Variants in TBXA2R observed in about 807,000 individuals in gnomAD.
TBXA2R encodes the protein thromboxane A2 receptor, also known as prostanoid TP receptor.
In TBXA2R, 15 loss-of-function variants were observed where a neutral mutation model predicts 15.6. The ratio of observed to expected loss-of-function variants is 0.96; its 90% confidence interval spans 0.64 to 1.48. The LOEUF is 1.48. TBXA2R is among the 40% of genes most tolerant of loss of function. TBXA2R has a pLI of 0.00. For synonymous variants in TBXA2R, 280 were observed against 241.2 expected (o/e 1.16, Z -1.49); for missense variants, 506 against 491.4 (o/e 1.03, Z -0.28).
chr19:3,595,670 G>A lies in TBXA2R; in HGVS notation c.*18C>T, dbSNP rs373366086. On this transcript the variant is annotated 3_prime_UTR_variant, in exon 3 of 3. Transcript: ENST00000375190. ...AGGGCTCCGCGGAAAGGCGCGGGAG[G>A]GGCGCTCTGTCCACTTCCTACTGCA... 2.4e-5 allele frequency: 38 copies of A among 1,564,446 alleles called. No homozygotes were observed. The African/African-American group carries it at 2.6e-4, about 11-fold the overall frequency.
chr19:3,602,794 A>AG (rs2032762883), intron 1 of TBXA2R, among the ~76,000 whole-genome samples: 1 of 150,982 alleles, frequency 6.6e-6, no homozygotes, highest in Non-Finnish European at 1.5e-5. Context: ...AAAAGAAAAG[A>AG]GGGAGGCCCA....
rs1418164000 is a variant in TBXA2R, at chr19:3,600,720, G to A, written c.-83-3C>T. The A allele has an allele frequency of 6.8e-7, 1 of 1,475,196 alleles. No homozygotes were observed. The highest frequency in any genetic ancestry group is 1.4e-5 in the African/African-American group (1 of 71,740). The allele number at this position is 1,475,196 out of a possible 1,614,324, so 91.4% of individuals were successfully genotyped here. A position where few individuals can be genotyped will look rare whatever the true frequency, so the allele number is the denominator to read the frequency against. On this transcript the variant is annotated splice_region_variant and splice_polypyrimidine_tract_variant and intron_variant, in intron 1 of 2. Coordinates refer to ENST00000375190, the MANE Select transcript of TBXA2R (RefSeq NM_001060.6). ...GGCTGGCACTGGTTCAGGCACACCT[G>A]GGAGGCGAGAGAAGATTTGCTTGTG...
At position 3,595,785 on chromosome 19, in the gene TBXA2R, C is replaced by A; in HGVS notation, c.935G>T (p.Arg312Leu). 2 of 1,610,388 alleles carry A rather than the reference C, an allele frequency of 1.2e-6. No individual in the cohort carries two copies. Among genetic ancestry groups the A allele is most frequent in the South Asian group, 1.1e-5 (1 of 90,410 alleles). The stretch of plus-strand genomic sequence containing the variant: ...CTGGAGACGCCGGAGCACGGCGCGG[C>A]GGAACAGGATATACACCCAGGGGTC... ...ILDPWVYILF[R>L]RAVLRRLQPR... The change falls in exon 3 of 3, where the codon CGC becomes CTC. Residue 312 changes from arginine (R) to leucine (L), a missense_variant. Coordinates refer to ENST00000375190, the MANE Select transcript of TBXA2R (RefSeq NM_001060.6).
At chr19:3,603,856 G>A (rs1180144915) in intron 1 of TBXA2R, among the ~76,000 whole-genome samples, 1 of 152,118 alleles carries the variant, frequency 6.6e-6, no homozygotes, top group African/African-American at 2.4e-5. Flanking sequence ...GGATGCCAAT[G>A]GGGGGACCGG....
At position 3,594,754 on chromosome 19, in the gene TBXA2R, T is replaced by C; in HGVS notation, c.*934A>G. ...GGCCCAATGCACAAACTCCAGAGAT[T>C]GAAAACTTCTGGACCCAAAGGAAAA... On this transcript the variant is annotated 3_prime_UTR_variant, in exon 3 of 3. Coordinates refer to ENST00000375190, the MANE Select transcript of TBXA2R (RefSeq NM_001060.6). 7.8e-7 allele frequency: 1 copy of C among 1,286,354 alleles called. No homozygotes were observed. 79.7% of individuals were successfully genotyped at this position (1,286,354 alleles called of 1,614,324 possible).
chr19:3,601,591 C>T (rs2032740053), intron 1 of TBXA2R, among the ~76,000 whole-genome samples: 1 of 151,016 alleles, frequency 6.6e-6, no homozygotes, highest in Admixed American at 6.6e-5. Context: ...AAAATGGGGC[C>T]AGGTGTGATG....
chr19:3,597,808 C>G (rs1354164917), intron 2 of TBXA2R: 1 of 152,080 alleles, frequency 6.6e-6, no homozygotes, highest in African/African-American at 2.4e-5. Context: ...GTGGCGGGCG[C>G]CTGTAATCCC....
intron 2 of TBXA2R, among the ~76,000 whole-genome samples, chr19:3,598,352 T>TTTG: frequency 8.1e-6 from 1 of 123,266 alleles, no homozygotes; most frequent in African/African-American, 3.9e-5. Context: ...TTTCTTTTCT[T>TTTG]TTTTTTTTTT....
At chr19:3,595,970 T>C (rs1428407502) in intron 2 of TBXA2R, 37 bp from the exon 3 acceptor site, 1 of 1,561,576 alleles carries the variant, frequency 6.4e-7, no homozygotes. Context: ...GGCCCCCGCC[T>C]CCAGCCCCGC....
chr19:3,595,759 G>A lies in TBXA2R; in HGVS notation c.961C>T (p.Pro321Ser). 6.2e-7 allele frequency: 1 copy of A among 1,607,994 alleles called. No homozygotes were observed. The highest frequency in any genetic ancestry group is 8.5e-7 in the Non-Finnish European group (1 of 1,177,890). ...FRRAVLRRLQPRLSTRPRSLS... is the reference protein window; with the variant it reads ...FRRAVLRRLQSRLSTRPRSLS... ...GACCTGGGCCGGGTGCTGAGGCGAGGCTGGAGACGCCGGAGCACGGCGCGG... is the reference window on the plus strand; with the variant it reads ...GACCTGGGCCGGGTGCTGAGGCGAGACTGGAGACGCCGGAGCACGGCGCGG... The change falls in exon 3 of 3, where the codon CCT becomes TCT. Residue 321 changes from proline (P) to serine (S), a missense_variant. By Grantham distance (74) the Pro-to-Ser change is moderately conservative (BLOSUM62 -1). Transcript: ENST00000375190.
Position 3,595,267 on chromosome 19 carries a change from T to G in TBXA2R, c.*421A>C, listed in dbSNP as rs2032574993. ...GGTGGCGCGCGCCTATAGTCCCAGCTACTCAGGAGGCTGAGGCAGGAGAAT... is the reference window on the plus strand; with the variant it reads ...GGTGGCGCGCGCCTATAGTCCCAGCGACTCAGGAGGCTGAGGCAGGAGAAT... On this transcript the variant is annotated 3_prime_UTR_variant, in exon 3 of 3. Transcript: ENST00000375190. The G allele has an allele frequency of 3.1e-6, 3 of 978,120 alleles. No homozygotes were observed. The highest frequency in any genetic ancestry group is 7.2e-4 in the Middle Eastern group (2 of 2,796). The allele number at this position is 978,120 out of a possible 1,614,324, so 60.6% of individuals were successfully genotyped here. A position where few individuals can be genotyped will look rare whatever the true frequency, so the allele number is the denominator to read the frequency against.
At chr19:3,605,872 A>G (rs1468511875) in intron 1 of TBXA2R, among the ~76,000 whole-genome samples, 1 of 150,546 alleles carries the variant, frequency 6.6e-6, no homozygotes. Context: ...ACAGCCACAC[A>G]CAGACACATA....
chr19:3,599,819 G>T, intron 2 of TBXA2R, 30 bp downstream of exon 2: 1 of 1,548,678 alleles, frequency 6.5e-7, no homozygotes, highest in Non-Finnish European at 8.7e-7. Context: ...AGTCAGGAGG[G>T]TAGCAGGACC....
Position 3,600,168 on chromosome 19 carries a change from ACCAGCC to A in TBXA2R, c.461_466del (p.Gly154_Leu155del), listed in dbSNP as rs1433917907. The A allele has an allele frequency of 6.3e-7, 1 of 1,599,584 alleles. No individual in the cohort carries two copies. Among genetic ancestry groups the A allele is most frequent in the Non-Finnish European group, 8.5e-7 (1 of 1,174,130 alleles). ...GCCCAGCGCCAGCGCGGCCGCCCAC[ACCAGCC>A]CCACGGTGGCCCAGGCGCGGCGCTG... On this transcript the variant is annotated inframe_deletion, in exon 2 of 3. Coordinates refer to ENST00000375190, the MANE Select transcript of TBXA2R (RefSeq NM_001060.6).
At position 3,594,961 on chromosome 19, in the gene TBXA2R, T is replaced by C. The variant is rs1449972102; in HGVS notation, c.*727A>G. On this transcript the variant is annotated 3_prime_UTR_variant, in exon 3 of 3. Transcript: ENST00000375190. ...CGGGCGCAGTGGCTTACGCCTGTAA[T>C]CCCAGCTGCTCGGGAGGCTGAGGCA... The C allele has an allele frequency of 6.5e-7, 1 of 1,533,654 alleles. No individual in the cohort carries two copies. The highest frequency in any genetic ancestry group is 1.2e-5 in the South Asian group (1 of 84,010).
At chr19:3,597,025 C>T (rs947582402) in intron 2 of TBXA2R, among the ~76,000 whole-genome samples, 1 of 151,002 alleles carries the variant, frequency 6.6e-6, no homozygotes, top group African/African-American at 2.4e-5. Context: ...CCACAACCTC[C>T]GCCTCCTGGG....
Position 3,594,627 on chromosome 19 carries a change from T to C in TBXA2R, c.*1061A>G. 2 of 472,782 alleles carry C rather than the reference T, an allele frequency of 4.2e-6. No individual in the cohort carries two copies. The highest frequency in any genetic ancestry group is 7.7e-6 in the Non-Finnish European group (2 of 260,928). 29.3% of individuals were successfully genotyped at this position (472,782 alleles called of 1,614,324 possible). A position where few individuals can be genotyped will look rare whatever the true frequency, so the allele number is the denominator to read the frequency against. On this transcript the variant is annotated 3_prime_UTR_variant, in exon 3 of 3. Coordinates refer to ENST00000375190, the MANE Select transcript of TBXA2R (RefSeq NM_001060.6). ...GAAGAATTCTAGGTGGTACCACCCA[T>C]CAAGTGATTAGGAAACACTCAAGAA... is the stretch of plus-strand genomic sequence containing the variant.
At chr19:3,606,273 C>T (rs2032833814) in intron 1 of TBXA2R, among the ~76,000 whole-genome samples, 1 of 152,214 alleles carries the variant, frequency 6.6e-6, no homozygotes, top group Non-Finnish European at 1.5e-5. Context: ...AGCCATGTGG[C>T]CCCACAGAGA....
chr19:3,595,809 T>C lies in TBXA2R; in HGVS notation c.911A>G (p.Asp304Gly). The C allele has an allele frequency of 6.2e-7, 1 of 1,611,716 alleles. No individual in the cohort carries two copies. Among genetic ancestry groups the C allele is most frequent in the African/African-American group, 1.3e-5 (1 of 74,986 alleles). Residue 304 changes from aspartate to glycine, a missense_variant, in exon 3 of 3, where the codon GAC becomes GGC. Asp to Gly is a moderately conservative substitution (Grantham distance 94). Coordinates refer to ENST00000375190, the MANE Select transcript of TBXA2R (RefSeq NM_001060.6). ...GCGGAACAGGATATACACCCAGGGG[T>C]CCAGGATCTGGTTCCAGGTGGCCAC... Reference protein sequence around the residue: ...LRVATWNQILDPWVYILFRRA... With the variant: ...LRVATWNQILGPWVYILFRRA...
Sources: allele counts gnomAD v4.1 joint callset (sites outside exome capture counted in the v4.1 genomes callset), GRCh38; gene constraint gnomAD v4.1.1; transcripts MANE v1.5; gene names NCBI Gene and HGNC (gene_info 2026-07-23, HGNC 2026-07-21).